Variants in STK32B observed in about 807,000 individuals in gnomAD.
The protein encoded by STK32B is serine/threonine-protein kinase 32B.
Under a neutral mutation model 52.6 loss-of-function variants are expected in STK32B, and 43 were observed. That is an observed-to-expected ratio of 0.82 (90% CI 0.64 to 1.05). STK32B has a LOEUF of 1.05. Among genes scored for constraint, STK32B ranks in the 50% least tolerant of loss-of-function variants. The probability of loss-of-function intolerance (pLI) is 0.00; values close to 1 mark genes in which losing one functional copy is unlikely to be tolerated. For synonymous variants in STK32B, 238 were observed against 204.3 expected, an observed-to-expected ratio of 1.17 and a Z score of -1.41; for missense variants, 621 against 534.6, an observed-to-expected ratio of 1.16 and a Z score of -1.59.
At chr4:5,236,081 C>T (rs1724612968) in intron 3 of STK32B, among the ~76,000 whole-genome samples, 2 of 152,306 alleles carry the variant, frequency 1.3e-5, no homozygotes, top group African/African-American at 2.4e-5. Context: ...TGGACTCTTA[C>T]TGGCATGTCA....
chr4:5,270,823 A>G (rs894449249), intron 3 of STK32B, among the ~76,000 whole-genome samples: 1 of 152,224 alleles, frequency 6.6e-6, no homozygotes, highest in Non-Finnish European at 1.5e-5. Flanking sequence ...TACCAAAAAG[A>G]TAGTAAAACT....
At position 5,352,493 on chromosome 4, in the gene STK32B, G is replaced by A. The variant is rs965312124; in HGVS notation, c.434+21100G>A. ...ACAAAACCCCAGCTAACATCATACT[G>A]AATGGGGCAAAGCTGAAATCCTTTC... On this transcript the variant is annotated intron_variant, in intron 4 of 11. Coordinates refer to ENST00000282908, the MANE Select transcript of STK32B (RefSeq NM_018401.3). Among the ~76,000 whole-genome samples, 7 of 151,964 alleles carry A rather than the reference G, an allele frequency of 4.6e-5. No individual in the cohort carries two copies. In the South Asian group the frequency reaches 1.0e-3, roughly 23 times the overall value.
chr4:5,307,904 A>T (rs570181822), intron 3 of STK32B, among the ~76,000 whole-genome samples: 1 of 152,158 alleles, frequency 6.6e-6, no homozygotes, highest in African/African-American at 2.4e-5. Flanking sequence ...TCTCTTCAGG[A>T]TGTAGCCACC....
intron 1 of STK32B, among the ~76,000 whole-genome samples, chr4:5,117,869 T>A (rs1714821799): frequency 2.0e-5 from 3 of 152,330 alleles, no homozygotes; most frequent in African/African-American, 7.2e-5. Context: ...CAGATTTGTG[T>A]ATGTTGAACC....
rs1491141469 is a variant in STK32B at position 5,317,224 on chromosome 4, T to TATATATAACATATATATTA, written c.261-13996_261-13995insATATATAACATATATATTA. ...ATATTATATATATAACATATATATA[T>TATATATAACATATATATTA]TATATATAACATATATATATTATAT... On this transcript the variant is annotated intron_variant, in intron 3 of 11. Transcript: ENST00000282908. 4.4e-4 allele frequency among the ~76,000 whole-genome samples: 17 copies of TATATATAACATATATATTA among 38,676 alleles called. 4 individuals are homozygous for TATATATAACATATATATTA. In the African/African-American group the frequency reaches 5.5e-3, roughly 12 times the overall value. The allele number at this position is 38,676 out of a possible 152,430, so 25.4% of individuals were successfully genotyped here. A position where few individuals can be genotyped will look rare whatever the true frequency, so the allele number is the denominator to read the frequency against.
intron 6 of STK32B, among the ~76,000 whole-genome samples, chr4:5,446,293 C>T (rs982776987): frequency 9.2e-5 from 14 of 152,154 alleles, no homozygotes; most frequent in South Asian, 2.1e-4. Flanking sequence ...TGACCGGATG[C>T]GATGGCTCAC....
chr4:5,319,718 T>G (rs567966142), intron 3 of STK32B, among the ~76,000 whole-genome samples: 2 of 152,314 alleles, frequency 1.3e-5, no homozygotes, highest in East Asian at 1.9e-4. Context: ...GAATACAGTC[T>G]TGTTAGTTCA....
At chr4:5,254,451 TG>T (rs1726159400) in intron 3 of STK32B, among the ~76,000 whole-genome samples, 1 of 152,200 alleles carries the variant, frequency 6.6e-6, no homozygotes. Context: ...TCCTAATTTT[TG>T]TATATAAATA....
chr4:5,153,429 C>T (rs1717535418), intron 2 of STK32B, among the ~76,000 whole-genome samples: 1 of 150,802 alleles, frequency 6.6e-6, no homozygotes, highest in African/African-American at 2.4e-5. Context: ...GTTCAGCCCT[C>T]AGCATGGTAC....
At chr4:5,048,899 A>T (rs993353174), upstream of STK32B, among the ~76,000 whole-genome samples, 5 of 152,230 alleles carry the variant, frequency 3.3e-5, no homozygotes, top group Non-Finnish European at 1.5e-5. Flanking sequence ...AGTCAGGCAC[A>T]TTCTCTATGG....
intron 6 of STK32B, among the ~76,000 whole-genome samples, chr4:5,428,319 A>T (rs1713268512): frequency 1.3e-5 from 2 of 152,144 alleles, no homozygotes; most frequent in South Asian, 4.2e-4. Context: ...GAGGCAGGAG[A>T]ATGGCGTGAA....
intron 7 of STK32B, among the ~76,000 whole-genome samples, chr4:5,450,013 C>T (rs1490582308): frequency 1.3e-5 from 2 of 152,298 alleles, no homozygotes; most frequent in East Asian, 3.9e-4. Flanking sequence ...ACCATCCCCG[C>T]AACCCTAGTC....
chr4:5,450,355 G>C (rs4479645), intron 7 of STK32B, among the ~76,000 whole-genome samples: 14,012 of 152,208 alleles, frequency 0.092, 1,049 homozygotes, highest in East Asian at 0.4. Context: ...ACAGAGAAGA[G>C]ATGGACAGAT....
intron 1 of STK32B, among the ~76,000 whole-genome samples, chr4:5,098,213 G>T (rs1050505351): frequency 6.6e-6 from 1 of 152,224 alleles, no homozygotes; most frequent in East Asian, 1.9e-4. Context: ...GTGTGGTATG[G>T]AAAGCAGTGA....
chr4:5,324,833 G>T (rs939171222), intron 3 of STK32B, among the ~76,000 whole-genome samples: 1 of 152,200 alleles, frequency 6.6e-6, no homozygotes, highest in Non-Finnish European at 1.5e-5. Flanking sequence ...TCCATCCAGG[G>T]ACTTGTCCTA....
At chr4:5,145,108 T>C (rs1022565388) in intron 2 of STK32B, among the ~76,000 whole-genome samples, 6 of 150,462 alleles carry the variant, frequency 4.0e-5, no homozygotes, top group African/African-American at 1.3e-4. Context: ...ACCCATATGA[T>C]TTTTTTCTCA....
intron 7 of STK32B, 113 bp from the exon 8 acceptor site, chr4:5,456,694 T>C: frequency 2.0e-6 from 2 of 996,608 alleles, no homozygotes; most frequent in Non-Finnish European, 2.9e-6. Flanking sequence ...AAGCACCCAC[T>C]GTTACTTGAA....
At chr4:5,351,122 A>T (rs1057218240) in intron 4 of STK32B, among the ~76,000 whole-genome samples, 4 of 152,044 alleles carry the variant, frequency 2.6e-5, no homozygotes, top group African/African-American at 9.7e-5. Flanking sequence ...TATACTCCAC[A>T]TAAGACCAAA....
chr4:5,242,038 C>T (rs1725068178), intron 3 of STK32B, among the ~76,000 whole-genome samples: 1 of 151,974 alleles, frequency 6.6e-6, no homozygotes, highest in Non-Finnish European at 1.5e-5. Context: ...AATAAACATA[C>T]ATGTGCATGT....
Sources: allele counts gnomAD v4.1 joint callset (sites outside exome capture counted in the v4.1 genomes callset), GRCh38; gene constraint gnomAD v4.1.1; transcripts MANE v1.5; gene names NCBI Gene and HGNC (gene_info 2026-07-23, HGNC 2026-07-21).